The following RPSA2 variants were observed in gnomAD, a reference collection of about 807,000 sequenced individuals.
RPSA2 encodes the protein small ribosomal subunit protein uS2B.
chr19:23,803,402 A>C, the RPSA2 span, among the ~76,000 whole-genome samples: 1 of 151,218 alleles, frequency 6.6e-6, no homozygotes, highest in East Asian at 1.9e-4. Flanking sequence ...TTAATTAAAA[A>C]AATTTTTTTT....
At chr19:23,801,919 G>A in the RPSA2 span, among the ~76,000 whole-genome samples, 1 of 152,250 alleles carries the variant, frequency 6.6e-6, no homozygotes, top group African/African-American at 2.4e-5. Context: ...GAATTTTCTA[G>A]AGCAGTCTCT....
At chr19:23,832,640 G>A in the RPSA2 span, 9 of 1,450,718 alleles carry the variant, frequency 6.2e-6, no homozygotes, top group Admixed American at 2.0e-5. Flanking sequence ...CCCTACAAAT[G>A]TGAAGAAGGT....
chr19:23,797,714 A>G, the RPSA2 span, among the ~76,000 whole-genome samples: 3 of 152,192 alleles, frequency 2.0e-5, no homozygotes, highest in African/African-American at 7.2e-5. Flanking sequence ...GTCAGAATCT[A>G]AATCTCTTCA....
chr19:23,804,058 T>C, the RPSA2 span, among the ~76,000 whole-genome samples: 3 of 152,156 alleles, frequency 2.0e-5, no homozygotes, highest in Non-Finnish European at 4.4e-5. Context: ...TGTAACGTCT[T>C]ATTGAGAACA....
chr19:23,780,487 CA>C, the RPSA2 span, among the ~76,000 whole-genome samples: 4 of 151,914 alleles, frequency 2.6e-5, no homozygotes, highest in Non-Finnish European at 4.4e-5. Context: ...ACTAAAAATA[CA>C]AAAAATTAGC....
At chr19:23,806,580 T>C in the RPSA2 span, among the ~76,000 whole-genome samples, 1 of 151,668 alleles carries the variant, frequency 6.6e-6, no homozygotes, top group South Asian at 2.1e-4. Flanking sequence ...AGACAGGAGA[T>C]TGAGACCATC....
At chr19:23,759,083 G>C in the RPSA2 span, among the ~76,000 whole-genome samples, 1 of 152,134 alleles carries the variant, frequency 6.6e-6, no homozygotes, top group East Asian at 1.9e-4. Context: ...TTCAGACAGG[G>C]CTCCCTCCCT....
chr19:23,856,638 C>A, the RPSA2 span, among the ~76,000 whole-genome samples: 1 of 152,076 alleles, frequency 6.6e-6, no homozygotes, highest in Non-Finnish European at 1.5e-5. Context: ...GGGAACTTGC[C>A]CCCAGTATTT....
At chr19:23,823,302 C>T in the RPSA2 span, among the ~76,000 whole-genome samples, 1 of 152,104 alleles carries the variant, frequency 6.6e-6, no homozygotes, top group Non-Finnish European at 1.5e-5. Flanking sequence ...TGATTCAGAC[C>T]AATTAAACCA....
At chr19:23,769,480 A>G in the RPSA2 span, among the ~76,000 whole-genome samples, 1 of 152,118 alleles carries the variant, frequency 6.6e-6, no homozygotes, top group Non-Finnish European at 1.5e-5. Context: ...AGTAGCTGGG[A>G]TTATAGGCAT....
At chr19:23,854,093 G>A in the RPSA2 span, among the ~76,000 whole-genome samples, 5 of 152,098 alleles carry the variant, frequency 3.3e-5, no homozygotes, top group Admixed American at 2.6e-4. Flanking sequence ...AACAATATTA[G>A]GTAGTAAAAG....
At chr19:23,766,289 A>ATTAT in the RPSA2 span, among the ~76,000 whole-genome samples, 1 of 151,190 alleles carries the variant, frequency 6.6e-6, no homozygotes, top group Non-Finnish European at 1.5e-5. Flanking sequence ...AGTAGCTGGG[A>ATTAT]TTATAGGCAT....
chr19:23,867,981 A>C, the RPSA2 span, among the ~76,000 whole-genome samples: 1 of 152,226 alleles, frequency 6.6e-6, no homozygotes, highest in African/African-American at 2.4e-5. Context: ...AAGCTAGCTC[A>C]ACTTCATCTG....
the RPSA2 span, chr19:23,758,851 C>G: frequency 3.3e-6 from 5 of 1,538,250 alleles, no homozygotes; most frequent in East Asian, 1.1e-4. Context: ...GGACACAGAG[C>G]AGTGAAGACG....
the RPSA2 span, among the ~76,000 whole-genome samples, chr19:23,761,903 T>G: frequency 5.6e-5 from 2 of 35,634 alleles, no homozygotes; most frequent in Admixed American, 6.0e-4. Flanking sequence ...GTAACGTAAT[T>G]CTTTCTTTCT....
At chr19:23,867,219 C>A in the RPSA2 span, among the ~76,000 whole-genome samples, 2 of 152,106 alleles carry the variant, frequency 1.3e-5, no homozygotes, top group Non-Finnish European at 2.9e-5. Flanking sequence ...GGATTGACCC[C>A]CATCCTGGCC....
the RPSA2 span, among the ~76,000 whole-genome samples, chr19:23,835,617 T>G: frequency 0.015 from 6 of 398 alleles, no homozygotes; most frequent in South Asian, 0.3. Flanking sequence ...GTTTAATAGT[T>G]TTTTTTTTTG....
At chr19:23,866,751 AC>A in the RPSA2 span, among the ~76,000 whole-genome samples, 1 of 152,160 alleles carries the variant, frequency 6.6e-6, no homozygotes, top group African/African-American at 2.4e-5. Context: ...CCCCAGGAAC[AC>A]CAGGAAGTGC....
chr19:23,832,168 C>A, the RPSA2 span: 2 of 408,586 alleles, frequency 4.9e-6, no homozygotes, highest in Non-Finnish European at 9.8e-6. Context: ...AGCATTTTGC[C>A]AGCCCTCAAC....
Sources: gnomAD v4.1 joint callset for allele counts (sites outside exome capture counted in the v4.1 genomes callset) on GRCh38, gnomAD v4.1.1 for gene constraint, MANE v1.5 for transcripts, NCBI Gene and HGNC (gene_info 2026-07-23, HGNC 2026-07-21) for gene names.